NRG1: variants seen among roughly 807,000 people sequenced by gnomAD.
The protein encoded by NRG1 is pro-neuregulin-1, membrane-bound isoform.
NRG1 carries 18 observed loss-of-function variants against 63.8 expected under a neutral mutation model. The observed-to-expected ratio is 0.28, with a 90% CI of 0.19 to 0.42. The LOEUF (loss-of-function observed/expected upper bound fraction) is 0.42, where lower values mean the gene tolerates loss of function less well. NRG1 is among the 10% of genes least tolerant of loss of function. The probability of loss-of-function intolerance (pLI) is 1.00; values close to 1 mark genes in which losing one functional copy is unlikely to be tolerated. For missense variants in NRG1, 762 were observed against 814.7 expected, an observed-to-expected ratio of 0.94 and a Z score of 0.79; for synonymous variants, 302 against 301.3, an observed-to-expected ratio of 1.00 and a Z score of -0.02.
At chr8:32,077,091 A>G (rs764380898) in intron 1 of NRG1, among the ~76,000 whole-genome samples, 6 of 152,072 alleles carry the variant, frequency 3.9e-5, no homozygotes, top group Non-Finnish European at 7.4e-5. Context: ...TGTTGGCTAT[A>G]CATGTTGGCT....
At chr8:31,911,995 C>T (rs1238746570) in intron 1 of NRG1, among the ~76,000 whole-genome samples, 1 of 152,174 alleles carries the variant, frequency 6.6e-6, no homozygotes, top group Non-Finnish European at 1.5e-5. Flanking sequence ...GGGCATGTCA[C>T]TTAACCATTC....
intron 1 of NRG1, among the ~76,000 whole-genome samples, chr8:32,011,394 C>T (rs1009457470): frequency 1.2e-4 from 19 of 152,064 alleles, no homozygotes; most frequent in African/African-American, 4.6e-4. Context: ...GCAGCCTTTA[C>T]GTATCCCACG....
chr8:32,212,085 T>G (rs1345535033), intron 1 of NRG1, among the ~76,000 whole-genome samples: 1 of 152,124 alleles, frequency 6.6e-6, no homozygotes, highest in Non-Finnish European at 1.5e-5. Flanking sequence ...CACAGGGATA[T>G]TAGGTAACTT....
chr8:32,375,284 G>A (rs74825419), intron 1 of NRG1, among the ~76,000 whole-genome samples: 10,426 of 152,162 alleles, frequency 0.069, 395 homozygotes, highest in Middle Eastern at 0.1. Context: ...AGCCTCATCA[G>A]CATTTTTAGA....
chr8:32,530,285 T>C (rs958245229), intron 1 of NRG1, among the ~76,000 whole-genome samples: 1 of 152,008 alleles, frequency 6.6e-6, no homozygotes, highest in Non-Finnish European at 1.5e-5. Flanking sequence ...TTTTTTGTAT[T>C]ATTTGTAGAG....
At chr8:32,346,647 A>C (rs1445424816) in intron 1 of NRG1, among the ~76,000 whole-genome samples, 1 of 152,036 alleles carries the variant, frequency 6.6e-6, no homozygotes, top group Non-Finnish European at 1.5e-5. Flanking sequence ...GGAACCTGTA[A>C]TTAAGTGTTA....
intron 1 of NRG1, among the ~76,000 whole-genome samples, chr8:31,895,276 C>T (rs750782533): frequency 3.3e-5 from 5 of 152,222 alleles, no homozygotes; most frequent in Non-Finnish European, 7.3e-5. Flanking sequence ...CCAAAGAAGT[C>T]AGGGGTTTTT....
At chr8:32,391,345 T>C (rs1811745559) in intron 1 of NRG1, among the ~76,000 whole-genome samples, 1 of 151,898 alleles carries the variant, frequency 6.6e-6, no homozygotes. Flanking sequence ...TGTTGCCCAG[T>C]CTGGAATATA....
At chr8:31,900,817 C>G (rs183047162) in intron 1 of NRG1, among the ~76,000 whole-genome samples, 37 of 152,308 alleles carry the variant, frequency 2.4e-4, no homozygotes, top group South Asian at 2.3e-3. Flanking sequence ...ATCAGAGAAA[C>G]TGCTTCACTG....
At chr8:32,163,809 G>C in intron 1 of NRG1, among the ~76,000 whole-genome samples, 1 of 152,192 alleles carries the variant, frequency 6.6e-6, no homozygotes, top group East Asian at 1.9e-4. Flanking sequence ...GAGTTTCACT[G>C]TTACTTAATT....
chr8:32,220,439 G>A (rs1278200294), intron 1 of NRG1, among the ~76,000 whole-genome samples: 3 of 152,044 alleles, frequency 2.0e-5, no homozygotes, highest in Admixed American at 6.6e-5. Flanking sequence ...GCAGGGGCTC[G>A]GGGTGGGAGC....
At position 31,686,320 on chromosome 8, in the gene NRG1, G is replaced by A. The variant is rs1428149760; in HGVS notation, c.37+46889G>A. 9.2e-5 allele frequency among the ~76,000 whole-genome samples: 14 copies of A among 152,080 alleles called. No individual in the cohort carries two copies. The East Asian group carries it at 1.7e-3, about 19-fold the overall frequency. ...AAAATTGTCATGTCCTCTGTGACATGTTTCTTTTTCTGAATATTTTATTGT... is the reference window on the plus strand; with the variant it reads ...AAAATTGTCATGTCCTCTGTGACATATTTCTTTTTCTGAATATTTTATTGT... On this transcript the variant is annotated intron_variant, in intron 1 of 10. Transcript: ENST00000519301.
intron 3 of NRG1, among the ~76,000 whole-genome samples, chr8:32,609,317 C>T (rs1432852632): frequency 6.6e-6 from 1 of 152,168 alleles, no homozygotes; most frequent in African/African-American, 2.4e-5. Context: ...TCAAAGAAGC[C>T]TCAGTTGGGT....
intron 1 of NRG1, among the ~76,000 whole-genome samples, chr8:32,274,099 A>C (rs1851831143): frequency 6.6e-6 from 1 of 152,208 alleles, no homozygotes; most frequent in Non-Finnish European, 1.5e-5. Flanking sequence ...CCTAAGCCAG[A>C]AATCTGAAAA....
chr8:32,458,683 C>A (rs1821923711), intron 1 of NRG1, among the ~76,000 whole-genome samples: 1 of 152,172 alleles, frequency 6.6e-6, no homozygotes, highest in Non-Finnish European at 1.5e-5. Flanking sequence ...TGCTCCCTCT[C>A]CCTTCTCCCA....
rs1173014663 is a variant in NRG1 at position 32,208,175 on chromosome 8, A to AT, written c.38-387647dup. ...AAATATATGAAACAATTAAGAAATC[A>AT]TTTTTTACCTGTCATATGGCAGATG... On this transcript the variant is annotated intron_variant, in intron 1 of 10. Transcript: ENST00000519301. Among the ~76,000 whole-genome samples the AT allele has an allele frequency of 4.6e-5, 7 of 152,240 alleles. No homozygotes were observed. In the East Asian group the frequency reaches 1.3e-3, roughly 29 times the overall value.
chr8:32,359,250 C>A (rs1806896082), intron 1 of NRG1, among the ~76,000 whole-genome samples: 1 of 152,142 alleles, frequency 6.6e-6, no homozygotes, highest in Admixed American at 6.6e-5. Flanking sequence ...AAAGCATAAT[C>A]ACCTATCTTT....
chr8:32,443,774 C>A (rs1308819609), intron 1 of NRG1, among the ~76,000 whole-genome samples: 1 of 151,804 alleles, frequency 6.6e-6, no homozygotes, highest in Admixed American at 6.6e-5. Flanking sequence ...ATATAAATGT[C>A]TTGCATTTAC....
chr8:32,179,696 T>C (rs1354762611), intron 1 of NRG1, among the ~76,000 whole-genome samples: 3 of 152,130 alleles, frequency 2.0e-5, no homozygotes, highest in Non-Finnish European at 4.4e-5. Flanking sequence ...ATTCAGAAAG[T>C]GTTTGGTGTC....
Sources: allele counts gnomAD v4.1 joint callset (sites outside exome capture counted in the v4.1 genomes callset), GRCh38; gene constraint gnomAD v4.1.1; transcripts MANE v1.5; gene names NCBI Gene and HGNC (gene_info 2026-07-23, HGNC 2026-07-21).